The following KIF16B variants were observed in gnomAD, a reference collection of about 807,000 sequenced individuals.
The protein encoded by KIF16B is kinesin-like protein KIF16B.
Under a neutral mutation model 156.3 loss-of-function variants are expected in KIF16B, and 98 were observed. That is an observed-to-expected ratio of 0.63 (90% CI 0.53 to 0.74). The LOEUF (loss-of-function observed/expected upper bound fraction) is 0.74. Among genes scored for constraint, KIF16B ranks in the 30% least tolerant of loss-of-function variants. The probability of loss-of-function intolerance (pLI) is 0.00; values close to 1 mark genes in which losing one functional copy is unlikely to be tolerated. For missense variants in KIF16B, 1,421 were observed against 1,606.5 expected, an observed-to-expected ratio of 0.88 and a Z score of 1.97; for synonymous variants, 564 against 583.7, an observed-to-expected ratio of 0.97 and a Z score of 0.49.
At chr20:16,288,462 G>T (rs1408072286) in intron 25 of KIF16B, among the ~76,000 whole-genome samples, 1 of 152,200 alleles carries the variant, frequency 6.6e-6, no homozygotes, top group African/African-American at 2.4e-5. Flanking sequence ...AAGAGCATCT[G>T]TATGGTATGT....
intron 1 of KIF16B, among the ~76,000 whole-genome samples, chr20:16,541,160 T>C (rs977965223): frequency 3.9e-5 from 6 of 152,206 alleles, no homozygotes; most frequent in East Asian, 3.9e-4. Context: ...AAAAGAAATC[T>C]GTGCACAGCC....
intron 12 of KIF16B, among the ~76,000 whole-genome samples, chr20:16,478,266 C>A (rs1174236604): frequency 6.6e-6 from 1 of 152,114 alleles, no homozygotes; most frequent in African/African-American, 2.4e-5. Context: ...CGTGATACAA[C>A]TAGATACCCA....
rs192399108 is a variant in KIF16B, at chr20:16,418,625, C to T, written c.1612+8479G>A. Among the ~76,000 whole-genome samples, 417 of 152,256 alleles carry T rather than the reference C, an allele frequency of 2.7e-3. 1 individual carries two copies. The highest frequency in any genetic ancestry group is 5.0e-3 in the Non-Finnish European group (343 of 68,004). ...GTGGTTCTGGCCAATCTACAGGGTG[C>T]ACAGTGAATGTTTCCATGTCCTCTG... On this transcript the variant is annotated intron_variant, in intron 15 of 25. Coordinates refer to ENST00000354981, the MANE Select transcript of KIF16B (RefSeq NM_024704.5).
intron 1 of KIF16B, among the ~76,000 whole-genome samples, chr20:16,561,015 C>T (rs2071038012): frequency 6.6e-6 from 1 of 151,496 alleles, no homozygotes; most frequent in Non-Finnish European, 1.5e-5. Flanking sequence ...AGAGGCCGGG[C>T]GCAGTGGCTC....
At chr20:16,519,099 T>G (rs1452834591) in intron 3 of KIF16B, among the ~76,000 whole-genome samples, 1 of 152,180 alleles carries the variant, frequency 6.6e-6, no homozygotes, top group Non-Finnish European at 1.5e-5. Context: ...AGAGTTAAAA[T>G]TTAACACATT....
intron 22 of KIF16B, among the ~76,000 whole-genome samples, chr20:16,364,462 A>G (rs952859154): frequency 2.0e-5 from 3 of 152,184 alleles, no homozygotes; most frequent in Admixed American, 6.5e-5. Context: ...TCGTTATAGC[A>G]GGCTGAATAC....
chr20:16,503,315 A>G (rs1179643156), intron 10 of KIF16B, among the ~76,000 whole-genome samples: 4 of 152,230 alleles, frequency 2.6e-5, no homozygotes, highest in Non-Finnish European at 4.4e-5. Flanking sequence ...TGGACTCTTC[A>G]TTCTGACAAC....
chr20:16,513,137 T>C (rs999149535), intron 4 of KIF16B, among the ~76,000 whole-genome samples: 2 of 152,212 alleles, frequency 1.3e-5, no homozygotes, highest in Non-Finnish European at 2.9e-5. Flanking sequence ...GGGACTCTGA[T>C]AATATACGGT....
intron 15 of KIF16B, among the ~76,000 whole-genome samples, chr20:16,409,970 CATATAT>C (rs138849281): frequency 3.3e-4 from 14 of 42,686 alleles, no homozygotes; most frequent in East Asian, 1.3e-3. Context: ...TATATATATA[CATATAT>C]ATATATATAT....
At chr20:16,557,947 G>A (rs988306267) in intron 1 of KIF16B, among the ~76,000 whole-genome samples, 2 of 152,184 alleles carry the variant, frequency 1.3e-5, no homozygotes, top group African/African-American at 4.8e-5. Context: ...GAGGGACTCA[G>A]ACTATAAACC....
At chr20:16,391,303 T>A (rs1162918024) in intron 17 of KIF16B, among the ~76,000 whole-genome samples, 2 of 152,220 alleles carry the variant, frequency 1.3e-5, no homozygotes, top group Non-Finnish European at 2.9e-5. Context: ...CTCTTCTGCC[T>A]CCCCTGCCCA....
chr20:16,335,980 C>T lies in KIF16B; in HGVS notation c.3657G>A (p.Arg1219=), dbSNP rs187827927. The T allele has an allele frequency of 1.1e-4, 181 of 1,609,326 alleles. No individual in the cohort carries two copies. The highest frequency in any genetic ancestry group is 4.1e-4 in the South Asian group (37 of 90,780). The change falls in exon 24 of 26, where the codon AGG becomes AGA. Residue 1219 remains arginine, a synonymous_variant. Transcript: ENST00000354981. The part of the protein sequence containing the change: ...TVLDETWTVF[R]RYSRFREMHK... ...GCATTTCTCGAAAACGACTGTAACG[C>T]CTGAATACAGTCCATGTCTCATCTA...
intron 12 of KIF16B, among the ~76,000 whole-genome samples, chr20:16,441,937 A>G (rs2066812393): frequency 6.6e-6 from 1 of 152,154 alleles, no homozygotes; most frequent in Non-Finnish European, 1.5e-5. Flanking sequence ...TATCTGTATT[A>G]TATGGAAAGA....
intron 25 of KIF16B, among the ~76,000 whole-genome samples, chr20:16,306,903 T>C (rs2063549272): frequency 1.3e-5 from 2 of 152,224 alleles, no homozygotes; most frequent in South Asian, 4.1e-4. Flanking sequence ...GGTATTATTA[T>C]CCTCATTGTT....
intron 1 of KIF16B, among the ~76,000 whole-genome samples, chr20:16,551,906 T>A (rs1419095748): frequency 6.6e-6 from 1 of 152,060 alleles, no homozygotes; most frequent in African/African-American, 2.4e-5. Context: ...CAGTTACACC[T>A]CTAATTTAGA....
intron 23 of KIF16B, among the ~76,000 whole-genome samples, chr20:16,352,821 G>A (rs2064364260): frequency 6.6e-6 from 1 of 152,190 alleles, no homozygotes; most frequent in Non-Finnish European, 1.5e-5. Context: ...GGGCCCCTCA[G>A]GCCTCAACAC....
In KIF16B at chr20:16,573,376, C is replaced by T; in HGVS notation, c.-101G>A. ...GATCGCGGCTCCCGCCCACTTCCCT[C>T]TCGCCCCCGCCCCTCTGCTCCCGGC... On this transcript the variant is annotated 5_prime_UTR_variant, in exon 1 of 26. Coordinates refer to ENST00000354981, the MANE Select transcript of KIF16B (RefSeq NM_024704.5). 1.1e-5 allele frequency: 14 copies of T among 1,288,110 alleles called. No individual in the cohort carries two copies. Among genetic ancestry groups the T allele is most frequent in the East Asian group, 5.1e-5 (2 of 39,582 alleles). 79.8% of individuals were successfully genotyped at this position (1,288,110 alleles called of 1,614,324 possible). A position where few individuals can be genotyped will look rare whatever the true frequency, so the allele number is the denominator to read the frequency against.
At chr20:16,329,711 C>T (rs894557871) in intron 24 of KIF16B, among the ~76,000 whole-genome samples, 1 of 152,146 alleles carries the variant, frequency 6.6e-6, no homozygotes, top group African/African-American at 2.4e-5. Context: ...GAGCTATTAT[C>T]TTGCATAATA....
chr20:16,279,978 A>G (rs2063122083), intron 25 of KIF16B, among the ~76,000 whole-genome samples: 2 of 152,114 alleles, frequency 1.3e-5, no homozygotes, highest in Non-Finnish European at 2.9e-5. Flanking sequence ...ATGCATCAGG[A>G]AAAAAAATTG....
Sources: gnomAD v4.1 joint callset for allele counts (sites outside exome capture counted in the v4.1 genomes callset) on GRCh38, gnomAD v4.1.1 for gene constraint, MANE v1.5 for transcripts, NCBI Gene and HGNC (gene_info 2026-07-23, HGNC 2026-07-21) for gene names.